The following IGFN1 variants were observed in gnomAD, a reference collection of about 807,000 sequenced individuals.
The protein encoded by IGFN1 is immunoglobulin-like and fibronectin type III domain-containing protein 1.
In IGFN1, 253 loss-of-function variants were observed where a neutral mutation model predicts 289.5. The ratio of observed to expected loss-of-function variants is 0.87; its 90% CI spans 0.79 to 0.97. IGFN1 has a LOEUF of 0.97. Ranked by LOEUF, IGFN1 falls within the 50% of genes least tolerant of loss-of-function variation. The pLI is 0.00. For missense variants in IGFN1, 4,470 were observed against 4,686.1 expected (o/e 0.95, Z 1.35); for synonymous variants, 1,706 against 1,788.5 (o/e 0.95, Z 1.16).
rs750520915 is a variant in IGFN1, at chr1:201,216,694, T to C, written c.9536T>C (p.Val3179Ala). 1 of 1,613,770 alleles carries C rather than the reference T, an allele frequency of 6.2e-7. No individual in the cohort carries two copies. Among genetic ancestry groups the C allele is most frequent in the Non-Finnish European group, 8.5e-7 (1 of 1,179,900 alleles). ...GRKYTFRVRA[V>A]TSEGAGEALE... Reference sequence around the variant, plus strand: ...AAGTATACCTTCCGAGTGCGGGCTGTGACCTCAGAGGGGGCTGGCGAGGCC... The same window carrying C: ...AAGTATACCTTCCGAGTGCGGGCTGCGACCTCAGAGGGGGCTGGCGAGGCC... Residue 3179 changes from valine (V) to alanine (A), a missense_variant, in exon 16 of 24, where the codon GTG (valine) becomes GCG (alanine). Val to Ala is a moderately conservative substitution (Grantham distance 64). Transcript: ENST00000335211.
intron 20 of IGFN1, among the ~76,000 whole-genome samples, chr1:201,223,498 G>A (rs770279884): frequency 8.5e-5 from 13 of 152,202 alleles, no homozygotes; most frequent in Non-Finnish European, 1.6e-4. Context: ...AGCCTCCCAA[G>A]TAGCTGGGAT....
At chr1:201,216,280 C>T in intron 15 of IGFN1, 174 bp from the exon 16 acceptor site, 1 of 609,204 alleles carries the variant, frequency 1.6e-6, no homozygotes, top group South Asian at 2.0e-5. Context: ...AATGTGTGGC[C>T]CTCTGGGTAA....
intron 22 of IGFN1, among the ~76,000 whole-genome samples, chr1:201,226,328 C>CT (rs11435480): frequency 0.91 from 138,474 of 152,276 alleles, 63,101 homozygotes; most frequent in East Asian, 1. Context: ...CTCTGCACCC[C>CT]GACCTCCGTG....
intron 20 of IGFN1, 51 bp from the exon 21 acceptor site, chr1:201,224,628 A>G (rs1335922462): frequency 6.5e-7 from 1 of 1,537,818 alleles, no homozygotes; most frequent in South Asian, 1.2e-5. Flanking sequence ...CATCACCTCC[A>G]TGAAACTGCC....
intron 10 of IGFN1, 23 bp from the exon 11 acceptor site, chr1:201,205,059 C>A (rs1362256131): frequency 6.5e-7 from 1 of 1,527,140 alleles, no homozygotes; most frequent in East Asian, 2.5e-5. Context: ...AAGCTGATAT[C>A]CCCATTCCTA....
At chr1:201,199,271 A>C (rs1461176487) in intron 5 of IGFN1, 63 bp from the exon 6 acceptor site, 3 of 1,398,096 alleles carry the variant, frequency 2.1e-6, no homozygotes, top group Admixed American at 3.9e-5. Flanking sequence ...GACCATCAAC[A>C]TGTCTTGCTT....
intron 9 of IGFN1, among the ~76,000 whole-genome samples, chr1:201,202,621 C>G (rs946853970): frequency 1.6e-4 from 25 of 152,110 alleles, no homozygotes; most frequent in Non-Finnish European, 3.1e-4. Context: ...CCCTCCAGCC[C>G]CACCCTGGCA....
At chr1:201,192,510 G>A (rs1572156837) in intron 1 of IGFN1, among the ~76,000 whole-genome samples, 1 of 152,186 alleles carries the variant, frequency 6.6e-6, no homozygotes, top group Non-Finnish European at 1.5e-5. Context: ...GAGAGATGGT[G>A]GTGGTGAGAG....
Position 201,212,898 on chromosome 1 carries a change from G to C in IGFN1, c.8005G>C (p.Gly2669Arg), listed in dbSNP as rs1360612295. 8.4e-6 allele frequency: 13 copies of C among 1,551,424 alleles called. No homozygotes were observed. Among genetic ancestry groups the C allele is most frequent in the Non-Finnish European group, 1.1e-5 (13 of 1,146,952 alleles). The change falls in exon 12 of 24, where the codon GGG becomes CGG. Residue 2669 changes from glycine to arginine, a missense_variant. By Grantham distance (125) the Gly-to-Arg change is moderately radical. This residue lies in a region of IGFN1 where 2,218 missense variants were observed against 2,114.1 expected (regional missense o/e 1.05). Coordinates refer to ENST00000335211, the MANE Select transcript of IGFN1 (RefSeq NM_001164586.2). Reference protein sequence around the residue: ...AAFGGTHEGPGGFKGGEGAPG... With the variant: ...AAFGGTHEGPRGFKGGEGAPG... ...TTTTGGTGGGACCCATGAAGGGCCA[G>C]GGGGCTTTAAGGGTGGGGAGGGTGC...
intron 5 of IGFN1, among the ~76,000 whole-genome samples, chr1:201,198,170 C>T (rs1666994075): frequency 6.6e-6 from 1 of 152,204 alleles, no homozygotes; most frequent in Non-Finnish European, 1.5e-5. Context: ...GAGTCTTGCT[C>T]CATCGCGTAG....
At position 201,206,474 on chromosome 1, in the gene IGFN1, G is replaced by A. The variant is rs1353049800; in HGVS notation, c.1581G>A (p.Glu527=). 3 of 1,551,290 alleles carry A rather than the reference G, an allele frequency of 1.9e-6. No individual in the cohort carries two copies. The highest frequency in any genetic ancestry group is 2.6e-6 in the Non-Finnish European group (3 of 1,146,996). ...CAGAGAGGCCCCATCTACAGGGAGA[G>A]AGCTCAGAATCAGGGTTGGGCCTCC... ...SLAERPHLQG[E]SSESGLGLPE... is the part of the protein sequence containing the mutation. Residue 527 remains glutamate (E), a synonymous_variant, in exon 12 of 24, where the codon GAG becomes GAA. Transcript: ENST00000335211.
Position 201,211,876 on chromosome 1 carries a change from G to T in IGFN1, c.6983G>T (p.Gly2328Val). The T allele has an allele frequency of 6.5e-7, 1 of 1,532,704 alleles. No individual in the cohort carries two copies. The highest frequency in any genetic ancestry group is 1.2e-5 in the South Asian group (1 of 83,468). 94.9% of individuals were successfully genotyped at this position (1,532,704 alleles called of 1,614,324 possible). A position where few individuals can be genotyped will look rare whatever the true frequency, so the allele number is the denominator to read the frequency against. ...NEAGSRQGFG[G>V]TSGMGSGSEV... is the part of the protein sequence containing the mutation. ...GCAGGTTCTAGGCAAGGCTTTGGGG[G>T]AACTAGTGGCATGGGGTCAGGGAGT... The change falls in exon 12 of 24, where the codon GGA becomes GTA. Residue 2328 changes from glycine to valine, a missense_variant. Gly to Val is a moderately radical substitution (Grantham distance 109). Around this residue, in one of 8 missense-constraint regions of IGFN1, gnomAD observed 2,218 missense variants for 2,114.1 expected, o/e 1.05. Coordinates refer to ENST00000335211, the MANE Select transcript of IGFN1 (RefSeq NM_001164586.2).
rs1667726649 is a variant in IGFN1, at chr1:201,210,854, T to C, written c.5961T>C (p.Ser1987=). 6.5e-7 allele frequency: 1 copy of C among 1,533,804 alleles called. No individual in the cohort carries two copies. The highest frequency in any genetic ancestry group is 1.4e-5 in the African/African-American group (1 of 71,866). Residue 1987 remains serine, a synonymous_variant, in exon 12 of 24, where the codon TCT becomes TCC. Transcript: ENST00000335211. ...KEGFRDGLGG[S]EEMGSMDEAG... is the part of the protein sequence containing the mutation. ...GTTTCAGGGATGGTTTAGGGGGTTCTGAGGAAATGGGGTCAATGGATGAGG... is the reference window on the plus strand; with the variant it reads ...GTTTCAGGGATGGTTTAGGGGGTTCCGAGGAAATGGGGTCAATGGATGAGG...
Position 201,226,139 on chromosome 1 carries a change from G to A in IGFN1, c.10786+16G>A. On this transcript the variant is annotated intron_variant, in intron 22 of 23. Coordinates refer to ENST00000335211, the MANE Select transcript of IGFN1 (RefSeq NM_001164586.2). The stretch of plus-strand genomic sequence containing the variant: ...CGGCAGCGCGGTAAGCAGCCCCTGA[G>A]AGGGAGGAGCAGGCAGGGTGGGGGT... 6.4e-7 allele frequency: 1 copy of A among 1,565,674 alleles called. No homozygotes were observed. Among genetic ancestry groups the A allele is most frequent in the Non-Finnish European group, 8.7e-7 (1 of 1,155,238 alleles).
In IGFN1 at chr1:201,213,236, G is replaced by A. The variant is rs1023441332; in HGVS notation, c.8343G>A (p.Leu2781=). ...GGTCCCTCGGGGAGCAGGGGTCCCTGGAGGCTGAGAATGGTGAGGTCCAGG... is the reference window on the plus strand; with the variant it reads ...GGTCCCTCGGGGAGCAGGGGTCCCTAGAGGCTGAGAATGGTGAGGTCCAGG... ...GKRSLGEQGS[L]EAENGEVQGP... The change falls in exon 12 of 24, where the codon CTG becomes CTA. Residue 2781 remains leucine, a synonymous_variant. Transcript: ENST00000335211. 1.3e-6 allele frequency: 2 copies of A among 1,551,786 alleles called. No individual in the cohort carries two copies. Among genetic ancestry groups the A allele is most frequent in the Non-Finnish European group, 1.7e-6 (2 of 1,147,014 alleles).
chr1:201,211,732 C>G lies in IGFN1; in HGVS notation c.6839C>G (p.Ser2280Ter). 3 of 1,536,928 alleles carry G rather than the reference C, an allele frequency of 2.0e-6. No homozygotes were observed. The highest frequency in any genetic ancestry group is 2.6e-6 in the Non-Finnish European group (3 of 1,146,798). Residue 2280 changes from serine (S) to a stop codon, truncating the protein, a stop_gained, in exon 12 of 24, where the codon TCA becomes TGA. Coordinates refer to ENST00000335211, the MANE Select transcript of IGFN1 (RefSeq NM_001164586.2). LOFTEE classifies it high-confidence loss of function. ...TTAGGCAGTTCTGGAAAAATCAGTT[C>G]AGGGGATGAGGCAGGTTATAAGAAT... ...NGLGSSGKIS[S>*]GDEAGYKNVL...
Position 201,205,203 on chromosome 1 carries a change from G to A in IGFN1, c.1038G>A (p.Arg346=), listed in dbSNP as rs1445584397. The A allele has an allele frequency of 6.4e-7, 1 of 1,551,226 alleles. No homozygotes were observed. Among genetic ancestry groups the A allele is most frequent in the Admixed American group, 2.0e-5 (1 of 50,996 alleles). ...GTGCAGCCTGGCATTTCCGGCACCGGCTACTCCACCCCAGTGACAAATATG... is the reference window on the plus strand; with the variant it reads ...GTGCAGCCTGGCATTTCCGGCACCGACTACTCCACCCCAGTGACAAATATG... The part of the protein sequence containing the change: ...CPSAAWHFRH[R]LLHPSDKYEV... Residue 346 remains arginine (R), a synonymous_variant, in exon 11 of 24, where the codon CGG becomes CGA. Coordinates refer to ENST00000335211, the MANE Select transcript of IGFN1 (RefSeq NM_001164586.2).
intron 17 of IGFN1, among the ~76,000 whole-genome samples, 173 bp from the exon 18 acceptor site, chr1:201,218,357 T>C (rs1310040430): frequency 6.6e-6 from 1 of 152,210 alleles, no homozygotes; most frequent in East Asian, 1.9e-4. Context: ...CCTGACGCCC[T>C]GAGCAGTGCT....
At chr1:201,197,466 G>A (rs993942214) in intron 5 of IGFN1, 149 bp downstream of exon 5, 2 of 621,556 alleles carry the variant, frequency 3.2e-6, no homozygotes, top group Non-Finnish European at 5.9e-6. Flanking sequence ...CTTGTGCTGG[G>A]CCCCGGGCTT....
Sources: gnomAD v4.1 joint callset for allele counts (sites outside exome capture counted in the v4.1 genomes callset) on GRCh38, gnomAD v4.1.1 for gene constraint, gnomAD v4.1.1 regional missense constraint, MANE v1.5 for transcripts, NCBI Gene and HGNC (gene_info 2026-07-23, HGNC 2026-07-21) for gene names.